The following ZFR2 variants were observed in gnomAD, a reference collection of about 807,000 sequenced individuals.
The protein encoded by ZFR2 is zinc finger RNA binding protein 2.
Under a neutral mutation model 105.7 loss-of-function variants are expected in ZFR2, and 104 were observed. The ratio of observed to expected loss-of-function variants is 0.98; its 90% CI spans 0.84 to 1.16. The LOEUF is 1.16. ZFR2 is among the 50% of genes most tolerant of loss of function. The pLI, the probability that ZFR2 is intolerant of heterozygous loss-of-function variation, is 0.00. For missense variants in ZFR2, 1,425 were observed against 1,355.5 expected, an observed-to-expected ratio of 1.05 and a Z score of -0.80; for synonymous variants, 634 against 597.7, an observed-to-expected ratio of 1.06 and a Z score of -0.89.
At chr19:3,855,883 G>C (rs1449669326) in intron 1 of ZFR2, among the ~76,000 whole-genome samples, 3 of 152,204 alleles carry the variant, frequency 2.0e-5, no homozygotes, top group Non-Finnish European at 4.4e-5. Flanking sequence ...GTGTGGAACA[G>C]GGGGCAGAGG....
rs1329206554 is a variant in ZFR2, at chr19:3,831,417, G to A, written c.738C>T (p.Pro246=). The part of the protein sequence containing the change: ...PPAPAGSGSS[P]RADSKPPLPS... ...GAAGCGGTGGCTTCGAGTCGGCCCT[G>A]GGGCTGCTTCCTGAGCCTGCAGGCG... The change falls in exon 5 of 19, where the codon CCC becomes CCT. Residue 246 remains proline, a synonymous_variant. Coordinates refer to ENST00000262961, the MANE Select transcript of ZFR2 (RefSeq NM_015174.2). 6.4e-7 allele frequency: 1 copy of A among 1,554,888 alleles called. No individual in the cohort carries two copies. Among genetic ancestry groups the A allele is most frequent in the Non-Finnish European group, 8.7e-7 (1 of 1,151,114 alleles).
At chr19:3,852,916 C>T (rs562630817) in intron 1 of ZFR2, among the ~76,000 whole-genome samples, 54 of 152,172 alleles carry the variant, frequency 3.5e-4, no homozygotes, top group African/African-American at 4.6e-4. Flanking sequence ...AGGCCAGGGA[C>T]GCTGTTCAGC....
chr19:3,827,515 C>A lies in ZFR2; in HGVS notation c.991G>T (p.Ala331Ser), dbSNP rs1220731172. The A allele has an allele frequency of 6.4e-7, 1 of 1,557,998 alleles. No homozygotes were observed. The highest frequency in any genetic ancestry group is 2.4e-5 in the East Asian group (1 of 41,384). The change falls in exon 6 of 19, where the codon GCG (alanine) becomes TCG (serine). Residue 331 changes from alanine to serine, a missense_variant. By Grantham distance (99) the Ala-to-Ser change is moderately conservative (BLOSUM62 1). Transcript: ENST00000262961. ...CGGATGTGGGCCGCGTAGGCGTCCGCCCCGGTGCAGGACACGGCGCACAGG... is the reference window on the plus strand; with the variant it reads ...CGGATGTGGGCCGCGTAGGCGTCCGACCCGGTGCAGGACACGGCGCACAGG... ...CDLCAVSCTG[A>S]DAYAAHIRGS...
In ZFR2 at chr19:3,838,418, G is replaced by C. The variant is rs1010586556; in HGVS notation, c.54-3435C>G. Among the ~76,000 whole-genome samples the C allele has an allele frequency of 3.3e-5, 5 of 152,302 alleles. No individual in the cohort carries two copies. The highest frequency in any genetic ancestry group is 1.2e-4 in the African/African-American group (5 of 41,564). ...ACTGAGCACCGACCGATGAGCCAAA[G>C]AGAGGAAGGTGGAAGGTTCCATACG... On this transcript the variant is annotated intron_variant, in intron 1 of 18. Coordinates refer to ENST00000262961, the MANE Select transcript of ZFR2 (RefSeq NM_015174.2). The surrounding 1 kb of genome is among the most constrained non-coding windows in gnomAD (Gnocchi z 4.9).
intron 1 of ZFR2, among the ~76,000 whole-genome samples, chr19:3,836,002 G>A (rs1045134461): frequency 6.6e-6 from 1 of 151,982 alleles, no homozygotes; most frequent in Non-Finnish European, 1.5e-5. Flanking sequence ...TATCTGCAAG[G>A]GTTGAGTTCC....
At chr19:3,818,858 G>A (rs2037853756) in intron 12 of ZFR2, among the ~76,000 whole-genome samples, 187 bp downstream of exon 12, 1 of 152,266 alleles carries the variant, frequency 6.6e-6, no homozygotes, top group South Asian at 2.1e-4. Context: ...AACCAGCCTC[G>A]TTCAGTGCCG....
intron 1 of ZFR2, chr19:3,852,338 G>A: frequency 1.6e-6 from 1 of 633,680 alleles, no homozygotes; most frequent in Non-Finnish European, 2.9e-6. Context: ...CCTCAGCTGG[G>A]TGGCTCTCCT....
intron 1 of ZFR2, among the ~76,000 whole-genome samples, chr19:3,844,341 C>A (rs2145174657): frequency 6.6e-6 from 1 of 151,940 alleles, no homozygotes; most frequent in East Asian, 1.9e-4. Context: ...TTTAAAAAAA[C>A]ATACAAATGA....
chr19:3,868,639 G>C (rs879460023), intron 1 of ZFR2, among the ~76,000 whole-genome samples: 179 of 151,290 alleles, frequency 1.2e-3, no homozygotes, highest in Non-Finnish European at 2.0e-3. Flanking sequence ...CCCCATCAGG[G>C]GCTGACCCCC....
Position 3,804,967 on chromosome 19 carries a change from A to G in ZFR2, c.*982T>C, listed in dbSNP as rs1434347426. Reference sequence around the variant, plus strand: ...CAATCTCGGCTCGCTGCAGCCTCGAACTCCTGGGCTCAAGGGATCCTACGG... The same window carrying G: ...CAATCTCGGCTCGCTGCAGCCTCGAGCTCCTGGGCTCAAGGGATCCTACGG... On this transcript the variant is annotated 3_prime_UTR_variant, in exon 19 of 19. Coordinates refer to ENST00000262961, the MANE Select transcript of ZFR2 (RefSeq NM_015174.2). 1 of 152,012 alleles carries G rather than the reference A, an allele frequency of 6.6e-6. No individual in the cohort carries two copies. The highest frequency in any genetic ancestry group is 2.4e-5 in the African/African-American group (1 of 41,312). The allele number at this position is 152,012 out of a possible 1,614,324, so 9.4% of individuals were successfully genotyped here.
rs545323499 is a variant in ZFR2, at chr19:3,838,990, C to T, written c.54-4007G>A. 2.0e-5 allele frequency among the ~76,000 whole-genome samples: 3 copies of T among 152,206 alleles called. No individual in the cohort carries two copies. Among genetic ancestry groups the T allele is most frequent in the Non-Finnish European group, 4.4e-5 (3 of 68,010 alleles). Reference sequence around the variant, plus strand: ...GTGTTGGGGAGGGCTCTGTCAGACACCTCAGCCTGTTTCTCCAAGATTCTC... The same window carrying T: ...GTGTTGGGGAGGGCTCTGTCAGACATCTCAGCCTGTTTCTCCAAGATTCTC... On this transcript the variant is annotated intron_variant, in intron 1 of 18. Coordinates refer to ENST00000262961, the MANE Select transcript of ZFR2 (RefSeq NM_015174.2). This position sits in a 1 kb window ranked among gnomAD's most constrained non-coding sequence, Gnocchi z 4.9.
At chr19:3,856,034 G>A (rs973996665) in intron 1 of ZFR2, among the ~76,000 whole-genome samples, 8 of 152,220 alleles carry the variant, frequency 5.3e-5, no homozygotes, top group Non-Finnish European at 1.0e-4. Context: ...AAATGGGGGC[G>A]AGAGCAGAAG....
At chr19:3,837,062 G>A (rs1040195889) in intron 1 of ZFR2, among the ~76,000 whole-genome samples, 1 of 152,212 alleles carries the variant, frequency 6.6e-6, no homozygotes, top group African/African-American at 2.4e-5. Flanking sequence ...CTGCCAGCCA[G>A]GTGAGTCATC....
chr19:3,848,113 G>T (rs1173541537), intron 1 of ZFR2, among the ~76,000 whole-genome samples: 1 of 152,180 alleles, frequency 6.6e-6, no homozygotes, highest in Non-Finnish European at 1.5e-5. Context: ...TGCCTCTTTT[G>T]TATAAAAAGC....
chr19:3,805,954 C>G lies in ZFR2; in HGVS notation c.2815G>C (p.Val939Leu), dbSNP rs377119947. 5 of 1,531,498 alleles carry G rather than the reference C, an allele frequency of 3.3e-6. No homozygotes were observed. The highest frequency in any genetic ancestry group is 1.4e-5 in the African/African-American group (1 of 72,478). The allele number at this position is 1,531,498 out of a possible 1,614,324, so 94.9% of individuals were successfully genotyped here. A position where few individuals can be genotyped will look rare whatever the true frequency, so the allele number is the denominator to read the frequency against. The change falls in exon 19 of 19, where the codon GTG becomes CTG. Residue 939 changes from valine to leucine, a missense_variant. Coordinates refer to ENST00000262961, the MANE Select transcript of ZFR2 (RefSeq NM_015174.2). ...KRGRRGGEGL[V>L] ...AGGTGGGGGAGGTAGGCGGCTCACA[C>G]GAGCCCCTCTCCGCCCCGCCGGCCC...
intron 1 of ZFR2, among the ~76,000 whole-genome samples, chr19:3,856,498 C>T (rs1485821318): frequency 1.3e-5 from 2 of 152,144 alleles, no homozygotes; most frequent in African/African-American, 4.8e-5. Context: ...AACATCACCT[C>T]TACCTAATTT....
chr19:3,827,072 T>C (rs1440586553), intron 6 of ZFR2, among the ~76,000 whole-genome samples: 8 of 151,912 alleles, frequency 5.3e-5, no homozygotes, highest in African/African-American at 1.9e-4. Context: ...TGAAACCCCG[T>C]CTCTACTGAA....
rs368198887 is a variant in ZFR2, at chr19:3,825,282, C to T, written c.1161G>A (p.Ser387=). 6.5e-5 allele frequency: 102 copies of T among 1,575,502 alleles called. No individual in the cohort carries two copies. The Middle Eastern group carries it at 9.2e-4, about 14-fold the overall frequency. ...GTCTCTTGGCCAGCGCTGGCCTGCTCGAGGCACACACGCTGGGGCCAGTGG... is the reference window on the plus strand; with the variant it reads ...GTCTCTTGGCCAGCGCTGGCCTGCTTGAGGCACACACGCTGGGGCCAGTGG... ...TSPTGPSVCA[S]SRPALAKRPV... is the part of the protein sequence containing the mutation. The change falls in exon 7 of 19, where the codon TCG becomes TCA. Residue 387 remains serine, a synonymous_variant. Transcript: ENST00000262961.
At chr19:3,825,445 C>G in intron 6 of ZFR2, 38 bp from the exon 7 acceptor site, 1 of 1,528,612 alleles carries the variant, frequency 6.5e-7, no homozygotes, top group Middle Eastern at 2.3e-4. Context: ...GTGAGGGCCG[C>G]TCCCAGCCTG....
Sources: allele counts gnomAD v4.1 joint callset (sites outside exome capture counted in the v4.1 genomes callset), GRCh38; gene constraint gnomAD v4.1.1; non-coding constraint Gnocchi (gnomAD v3.1); transcripts MANE v1.5; gene names NCBI Gene and HGNC (gene_info 2026-07-23, HGNC 2026-07-21).